Variants in NFIB observed in about 807,000 individuals in gnomAD.
NFIB encodes nuclear factor I B.
A neutral mutation model predicts 61.5 loss-of-function variants in NFIB; 11 were observed. The ratio of observed to expected loss-of-function variants is 0.18; its 90% CI spans 0.11 to 0.30. The LOEUF (loss-of-function observed/expected upper bound fraction) is 0.30, where lower values mean the gene tolerates loss of function less well. Among genes scored for constraint, NFIB ranks in the 10% least tolerant of loss-of-function variants. NFIB has a pLI of 1.00. For missense variants in NFIB, 471 were observed against 608.9 expected, an observed-to-expected ratio of 0.77 and a Z score of 2.38; for synonymous variants, 260 against 216.5, an observed-to-expected ratio of 1.20 and a Z score of -1.76.
At chr9:14,148,209 A>G (rs965820836) in intron 5 of NFIB, among the ~76,000 whole-genome samples, 2 of 151,972 alleles carry the variant, frequency 1.3e-5, no homozygotes, top group African/African-American at 4.8e-5. Context: ...TGCAGCCTCA[A>G]GCTCCTGGGC....
chr9:14,430,001 CTTTA>C, the NFIB span, among the ~76,000 whole-genome samples: 1 of 151,976 alleles, frequency 6.6e-6, no homozygotes, highest in Non-Finnish European at 1.5e-5. Context: ...TGTTAATTTC[CTTTA>C]TTTATGAAAG....
At chr9:14,455,539 CT>C in the NFIB span, among the ~76,000 whole-genome samples, 1 of 152,028 alleles carries the variant, frequency 6.6e-6, no homozygotes, top group Admixed American at 6.6e-5. Context: ...GAAAACAAAA[CT>C]TGTGGATTAG....
At chr9:14,498,906 GC>G in the NFIB span, among the ~76,000 whole-genome samples, 1 of 151,824 alleles carries the variant, frequency 6.6e-6, no homozygotes, top group Non-Finnish European at 1.5e-5. Flanking sequence ...TCTGTGCTGA[GC>G]ACTGGAGATT....
chr9:14,372,412 C>T (rs1173907922), intron 1 of NFIB, among the ~76,000 whole-genome samples: 7 of 152,282 alleles, frequency 4.6e-5, no homozygotes, highest in African/African-American at 1.7e-4. Flanking sequence ...AAGATCTAAA[C>T]CACTGATCGA....
chr9:14,358,175 T>A (rs1285865493), intron 1 of NFIB, among the ~76,000 whole-genome samples: 1 of 150,654 alleles, frequency 6.6e-6, no homozygotes, highest in African/African-American at 2.4e-5. Flanking sequence ...ATTTACATAA[T>A]TAATATCTAT....
chr9:14,305,484 AT>A (rs1169300759), intron 2 of NFIB, among the ~76,000 whole-genome samples: 1 of 152,198 alleles, frequency 6.6e-6, no homozygotes, highest in African/African-American at 2.4e-5. Flanking sequence ...ACTGAGTTTT[AT>A]TTTAGGACAC....
At chr9:14,191,515 C>A (rs1323853352) in intron 2 of NFIB, among the ~76,000 whole-genome samples, 1 of 152,092 alleles carries the variant, frequency 6.6e-6, no homozygotes, top group African/African-American at 2.4e-5. Context: ...TATACTGGTG[C>A]AGAGCTATGT....
intron 2 of NFIB, among the ~76,000 whole-genome samples, chr9:14,239,964 G>T (rs955232789): frequency 1.3e-5 from 2 of 151,994 alleles, no homozygotes; most frequent in African/African-American, 4.8e-5. Context: ...TCATAAAAAG[G>T]AATGAGTAAA....
chr9:14,135,801 A>G (rs2040976103), intron 6 of NFIB, among the ~76,000 whole-genome samples: 1 of 152,216 alleles, frequency 6.6e-6, no homozygotes, highest in Admixed American at 6.5e-5. Context: ...TTATGAAATC[A>G]GTTCCTTTTC....
At chr9:14,105,906 G>C (rs2036489718) in intron 10 of NFIB, among the ~76,000 whole-genome samples, 1 of 152,044 alleles carries the variant, frequency 6.6e-6, no homozygotes, top group African/African-American at 2.4e-5. Flanking sequence ...AATCTTTTTT[G>C]AGTTTGGGGT....
At position 14,156,212 on chromosome 9, in the gene NFIB, G is replaced by A. The variant is rs539919317; in HGVS notation, c.617-319C>T. On this transcript the variant is annotated intron_variant, in intron 3 of 10. Coordinates refer to ENST00000380953, the MANE Select transcript of NFIB (RefSeq NM_001190737.2). ...GGCTCTCAGTGAATGCTTTTGACTC[G>A]GTAGCACCTGGTAGACTAAAGCGAA... Among the ~76,000 whole-genome samples the A allele has an allele frequency of 5.3e-5, 8 of 152,074 alleles. No individual in the cohort carries two copies. In the East Asian group the frequency reaches 5.8e-4, roughly 11 times the overall value.
intron 2 of NFIB, among the ~76,000 whole-genome samples, chr9:14,259,107 T>C (rs532743572): frequency 1.3e-5 from 2 of 152,360 alleles, no homozygotes; most frequent in African/African-American, 4.8e-5. Context: ...CTCTTTGGTA[T>C]TGAGTGAACC....
intron 1 of NFIB, among the ~76,000 whole-genome samples, chr9:14,356,357 A>G (rs1220722350): frequency 6.6e-6 from 1 of 152,050 alleles, no homozygotes; most frequent in Non-Finnish European, 1.5e-5. Flanking sequence ...TTTCCCAGGG[A>G]TGGATACTGA....
At chr9:14,116,778 A>G (rs967274573) in intron 8 of NFIB, among the ~76,000 whole-genome samples, 4 of 152,164 alleles carry the variant, frequency 2.6e-5, no homozygotes, top group Admixed American at 1.3e-4. Context: ...TTAGAACACA[A>G]TTTTCACCTA....
intron 2 of NFIB, among the ~76,000 whole-genome samples, chr9:14,283,054 AC>A (rs1750577579): frequency 1.3e-5 from 2 of 152,196 alleles, no homozygotes; most frequent in Admixed American, 6.6e-5. Context: ...TCATCTTAGA[AC>A]TACTCTGGCT....
intron 2 of NFIB, among the ~76,000 whole-genome samples, chr9:14,291,593 C>G (rs528477395): frequency 6.6e-6 from 1 of 151,946 alleles, no homozygotes; most frequent in Non-Finnish European, 1.5e-5. Flanking sequence ...AAAAAATTCT[C>G]AGAAACATCT....
In NFIB at chr9:14,281,810, C is replaced by G. The variant is rs143892960; in HGVS notation, c.562+25179G>C. Among the ~76,000 whole-genome samples the G allele has an allele frequency of 3.6e-3, 544 of 152,120 alleles. 3 individuals are homozygous for G. Among genetic ancestry groups the G allele is most frequent in the African/African-American group, 0.012 (514 of 41,478 alleles). ...ATAATCCTTAGGTTGTGTTCTCACA[C>G]GTTCACATGCACACACACACACGTG... On this transcript the variant is annotated intron_variant, in intron 2 of 10. Transcript: ENST00000380953.
intron 2 of NFIB, among the ~76,000 whole-genome samples, chr9:14,279,947 A>G (rs2058259841): frequency 6.6e-6 from 1 of 152,188 alleles, no homozygotes; most frequent in Admixed American, 6.5e-5. Context: ...ACACAATGAC[A>G]ACACAACCAG....
chr9:14,525,042 T>A, the NFIB span, among the ~76,000 whole-genome samples: 4 of 152,338 alleles, frequency 2.6e-5, no homozygotes, highest in Middle Eastern at 0.01. Context: ...AGATGGCTTA[T>A]GACTATAGCG....
Sources: allele counts gnomAD v4.1 joint callset (sites outside exome capture counted in the v4.1 genomes callset), GRCh38; gene constraint gnomAD v4.1.1; transcripts MANE v1.5; gene names NCBI Gene and HGNC (gene_info 2026-07-23, HGNC 2026-07-21).